Variants in FAM149A observed in about 807,000 individuals in gnomAD.
FAM149A encodes the protein protein FAM149A.
Under a neutral mutation model 78.2 loss-of-function variants are expected in FAM149A, and 71 were observed. The observed-to-expected ratio is 0.91, with a 90% CI of 0.75 to 1.11. The LOEUF is 1.11. Among genes scored for constraint, FAM149A ranks in the 50% least tolerant of loss-of-function variants. The probability of loss-of-function intolerance (pLI) is 0.00; values close to 1 mark genes in which losing one functional copy is unlikely to be tolerated. For synonymous variants in FAM149A, 446 were observed against 410.5 expected, an observed-to-expected ratio of 1.09 and a Z score of -1.04; for missense variants, 1,036 against 971.0, an observed-to-expected ratio of 1.07 and a Z score of -0.89.
Position 186,164,434 on chromosome 4 carries a change from G to A in FAM149A, c.1889+801G>A. The A allele has an allele frequency of 1.0e-6, 1 of 985,272 alleles. No homozygotes were observed. 61.0% of individuals were successfully genotyped at this position (985,272 alleles called of 1,614,324 possible). On this transcript the variant is annotated intron_variant, in intron 10 of 13. Coordinates refer to ENST00000389354, the MANE Select transcript of FAM149A (RefSeq NM_001367768.3). The surrounding 1 kb of genome is among the most constrained non-coding windows in gnomAD (Gnocchi z 4.0). The stretch of plus-strand genomic sequence containing the variant: ...CGGCCTGCAGGGGAGCTGTTATCAG[G>A]AGCCGAGCTCAGGAGCGGGCGGCTG...
intron 1 of FAM149A, chr4:186,117,676 C>A (rs1579783772): frequency 2.0e-6 from 2 of 980,908 alleles, no homozygotes; most frequent in East Asian, 2.3e-4. Flanking sequence ...CTAGGGAGAG[C>A]CTGGATACTG....
chr4:186,157,176 T>G (rs1180523031), intron 7 of FAM149A, among the ~76,000 whole-genome samples: 1 of 152,132 alleles, frequency 6.6e-6, no homozygotes, highest in Non-Finnish European at 1.5e-5. Flanking sequence ...AAATATTCTC[T>G]AAACTTAACA....
chr4:186,118,226 T>C (rs964282690), intron 1 of FAM149A: 2 of 985,296 alleles, frequency 2.0e-6, no homozygotes, highest in Non-Finnish European at 2.4e-6. Context: ...TGCTCTTTAC[T>C]GTTGCTGTGG....
intron 1 of FAM149A, chr4:186,123,330 T>G (rs2099316890): frequency 1.0e-5 from 10 of 985,476 alleles, no homozygotes; most frequent in Non-Finnish European, 1.2e-5. Flanking sequence ...CATTGCAAGT[T>G]TTCTTGTCTG....
intron 1 of FAM149A, among the ~76,000 whole-genome samples, chr4:186,135,011 C>G (rs2099322139): frequency 3.3e-5 from 5 of 152,170 alleles, no homozygotes; most frequent in Admixed American, 2.6e-4. Flanking sequence ...GAAGTGCCAT[C>G]CTGGGCCGCA....
At chr4:186,171,143 GCTGCCTTCCTTCAGTGACGCCCACGCTC>G (rs1735487414) in intron 13 of FAM149A, 1 of 152,504 alleles carries the variant, frequency 6.6e-6, no homozygotes, top group Admixed American at 6.5e-5. Flanking sequence ...ACCCTGCGGT[GCTGCCTTCCTTCAGTGACGCCCACGCTC>G]CTGCCTTCCT....
chr4:186,113,347 C>G (rs1233590792), intron 1 of FAM149A, among the ~76,000 whole-genome samples: 1 of 116,412 alleles, frequency 8.6e-6, no homozygotes, highest in Non-Finnish European at 1.8e-5. Context: ...AAAACCAGCT[C>G]CTGGATTCAT....
intron 1 of FAM149A, among the ~76,000 whole-genome samples, chr4:186,142,187 G>A (rs544482460): frequency 5.8e-4 from 88 of 152,332 alleles, no homozygotes; most frequent in African/African-American, 2.0e-3. Flanking sequence ...GCTGGAACCC[G>A]CAGTGGCTGC....
rs1378679305 is a variant in FAM149A, at chr4:186,149,629, G to A, written c.714G>A (p.Trp238Ter). 1 of 1,289,816 alleles carries A rather than the reference G, an allele frequency of 7.8e-7. No homozygotes were observed. The highest frequency in any genetic ancestry group is 1.0e-6 in the Non-Finnish European group (1 of 988,898). 79.9% of individuals were successfully genotyped at this position (1,289,816 alleles called of 1,614,324 possible). ...CACCCACGGGAGCCCACACCTCTTG[G>A]TCTGGGTCGGCCACACAGAGCTCTA... The change falls in exon 3 of 14, where the codon TGG becomes TGA. Residue 238 changes from tryptophan to a stop codon, truncating the protein, a stop_gained. Transcript: ENST00000389354. LOFTEE classifies it high-confidence loss of function.
intron 7 of FAM149A, 122 bp downstream of exon 7, chr4:186,156,312 T>G (rs905599413): frequency 2.8e-6 from 2 of 705,178 alleles, no homozygotes; most frequent in Non-Finnish European, 4.8e-6. Context: ...GTGGGTGTTC[T>G]GACTTTACTC....
chr4:186,164,322 C>G lies in FAM149A; in HGVS notation c.1889+689C>G, dbSNP rs1734843468. On this transcript the variant is annotated intron_variant, in intron 10 of 13. Coordinates refer to ENST00000389354, the MANE Select transcript of FAM149A (RefSeq NM_001367768.3). The surrounding 1 kb of genome is among the most constrained non-coding windows in gnomAD (Gnocchi z 4.0). ...TCTGAGATGAGGGAACAGGCTAAGC[C>G]TGCCGGAGATCATCCCCGCCAGGAA... 1 of 215,366 alleles carries G rather than the reference C, an allele frequency of 4.6e-6. No homozygotes were observed. Among genetic ancestry groups the G allele is most frequent in the Admixed American group, 6.5e-5 (1 of 15,360 alleles). The allele number at this position is 215,366 out of a possible 1,614,324, so 13.3% of individuals were successfully genotyped here. A position where few individuals can be genotyped will look rare whatever the true frequency, so the allele number is the denominator to read the frequency against.
intron 1 of FAM149A, among the ~76,000 whole-genome samples, chr4:186,140,564 C>T (rs1225873502): frequency 1.3e-5 from 2 of 150,806 alleles, no homozygotes; most frequent in African/African-American, 4.9e-5. Context: ...AGCCACTGTG[C>T]CCAGCCTATA....
Position 186,169,623 on chromosome 4 carries a change from A to G in FAM149A, c.2219-2291A>G, listed in dbSNP as rs1219193898. 2.2e-5 allele frequency: 22 copies of G among 985,340 alleles called. 1 individual carries two copies. Among genetic ancestry groups the G allele is most frequent in the Non-Finnish European group, 2.5e-5 (21 of 829,940 alleles). The allele number at this position is 985,340 out of a possible 1,614,324, so 61.0% of individuals were successfully genotyped here. A position where few individuals can be genotyped will look rare whatever the true frequency, so the allele number is the denominator to read the frequency against. Reference sequence around the variant, plus strand: ...CACACCACGATCTAATAGGACATTCAGGAATGAATTAAAAACCAGAGTGGA... The same window carrying G: ...CACACCACGATCTAATAGGACATTCGGGAATGAATTAAAAACCAGAGTGGA... On this transcript the variant is annotated intron_variant, in intron 13 of 13. Coordinates refer to ENST00000389354, the MANE Select transcript of FAM149A (RefSeq NM_001367768.3).
chr4:186,170,485 T>G (rs2126558928), intron 13 of FAM149A, among the ~76,000 whole-genome samples: 1 of 152,312 alleles, frequency 6.6e-6, no homozygotes, highest in East Asian at 1.9e-4. Flanking sequence ...AAAACAAGAC[T>G]GTGCCTTCAA....
chr4:186,158,935 T>C (rs926211105), intron 8 of FAM149A: 5 of 383,636 alleles, frequency 1.3e-5, no homozygotes, highest in African/African-American at 6.6e-5. Context: ...GATATTCGGG[T>C]CTGTTTGCAA....
Position 186,174,314 on chromosome 4 carries a change from G to A in FAM149A, c.*2327G>A, listed in dbSNP as rs1189092385. Reference sequence around the variant, plus strand: ...GTTCTCATCATTTAGCTCCCACTTAGAAGTGAGAACGGATGGCATTTGTTT... The same window carrying A: ...GTTCTCATCATTTAGCTCCCACTTAAAAGTGAGAACGGATGGCATTTGTTT... On this transcript the variant is annotated 3_prime_UTR_variant, in exon 14 of 14. Coordinates refer to ENST00000389354, the MANE Select transcript of FAM149A (RefSeq NM_001367768.3). Among the ~76,000 whole-genome samples, 1 of 110,402 alleles carries A rather than the reference G, an allele frequency of 9.1e-6. No homozygotes were observed. The highest frequency in any genetic ancestry group is 2.3e-5 in the Non-Finnish European group (1 of 44,020). The allele number at this position is 110,402 out of a possible 152,430, so 72.4% of individuals were successfully genotyped here. A position where few individuals can be genotyped will look rare whatever the true frequency, so the allele number is the denominator to read the frequency against.
rs1375966908 is a variant in FAM149A, at chr4:186,153,839, T to G, written c.1058+69T>G. On this transcript the variant is annotated intron_variant, in intron 5 of 13. Transcript: ENST00000389354. ...TTTTAGTTATACTTTTTCATGTTTA[T>G]CTCATCTATAAGCCTTGGCTCCACC... 6 of 1,526,138 alleles carry G rather than the reference T, an allele frequency of 3.9e-6. No homozygotes were observed. In the African/African-American group the frequency reaches 8.2e-5, roughly 21 times the overall value. The allele number at this position is 1,526,138 out of a possible 1,614,324, so 94.5% of individuals were successfully genotyped here. A position where few individuals can be genotyped will look rare whatever the true frequency, so the allele number is the denominator to read the frequency against.
chr4:186,164,586 C>A lies in FAM149A; in HGVS notation c.1890-758C>A. 1 of 677,960 alleles carries A rather than the reference C, an allele frequency of 1.5e-6. No individual in the cohort carries two copies. The highest frequency in any genetic ancestry group is 1.8e-6 in the Non-Finnish European group (1 of 548,758). 42.0% of individuals were successfully genotyped at this position (677,960 alleles called of 1,614,324 possible). Reference sequence around the variant, plus strand: ...TTCCAGCTGTGTTGGGTCTGCTGTGCTGATTCCTTCGAGATCCCTCTCCCT... The same window carrying A: ...TTCCAGCTGTGTTGGGTCTGCTGTGATGATTCCTTCGAGATCCCTCTCCCT... On this transcript the variant is annotated intron_variant, in intron 10 of 13. Coordinates refer to ENST00000389354, the MANE Select transcript of FAM149A (RefSeq NM_001367768.3). This position sits in a 1 kb window ranked among gnomAD's most constrained non-coding sequence, Gnocchi z 4.0.
intron 6 of FAM149A, 64 bp downstream of exon 6, chr4:186,154,702 T>C: frequency 6.6e-7 from 1 of 1,504,100 alleles, no homozygotes; most frequent in Non-Finnish European, 8.9e-7. Context: ...ACATTTATTG[T>C]TATCGTATGC....
Sources: gnomAD v4.1 joint callset for allele counts (sites outside exome capture counted in the v4.1 genomes callset) on GRCh38, gnomAD v4.1.1 for gene constraint, Gnocchi (gnomAD v3.1) non-coding constraint, MANE v1.5 for transcripts, NCBI Gene and HGNC (gene_info 2026-07-23, HGNC 2026-07-21) for gene names.